CLIP2: variants seen among roughly 807,000 people sequenced by gnomAD.
CLIP2 encodes CAP-Gly domain-containing linker protein 2.
A neutral mutation model predicts 111.7 loss-of-function variants in CLIP2; 41 were observed. The ratio of observed to expected loss-of-function variants is 0.37; its 90% CI spans 0.29 to 0.48. The LOEUF (loss-of-function observed/expected upper bound fraction) is 0.48, where lower values mean the gene tolerates loss of function less well. Among genes scored for constraint, CLIP2 ranks in the 20% least tolerant of loss-of-function variants. The pLI, the probability that CLIP2 is intolerant of heterozygous loss-of-function variation, is 0.99. For missense variants in CLIP2, 1,160 were observed against 1,422.1 expected (o/e 0.82, Z 2.96); for synonymous variants, 660 against 644.2 (o/e 1.02, Z -0.37).
intron 12 of CLIP2, among the ~76,000 whole-genome samples, chr7:74,388,025 G>A (rs1791166945): frequency 6.6e-6 from 1 of 152,210 alleles, no homozygotes; most frequent in East Asian, 1.9e-4. Context: ...TCATTTCTAT[G>A]AAACATACAA....
Position 74,400,411 on chromosome 7 carries a change from C to T in CLIP2, c.2922C>T (p.Leu974=). ...TGTCGGATCAGAGGCGCTACTCCCT[C>T]ATCGACCGGTCCTCGGCGCCCGAGC... The part of the protein sequence containing the change: ...KSLSDQRRYS[L]IDRSSAPELL... The change falls in exon 15 of 17, where the codon CTC becomes CTT. Residue 974 remains leucine, a synonymous_variant. Coordinates refer to ENST00000223398, the MANE Select transcript of CLIP2 (RefSeq NM_003388.5). The T allele has an allele frequency of 6.2e-7, 1 of 1,613,678 alleles. No homozygotes were observed. Among genetic ancestry groups the T allele is most frequent in the Non-Finnish European group, 8.5e-7 (1 of 1,179,756 alleles).
At position 74,338,673 on chromosome 7, in the gene CLIP2, C is replaced by T. The variant is rs781965319; in HGVS notation, c.347C>T (p.Pro116Leu). Reference sequence around the variant, plus strand: ...TGGGCTGGCGTGGTGCTGGACGACCCGGTGGGCAAGAATGATGGCGCGGTG... The same window carrying T: ...TGGGCTGGCGTGGTGCTGGACGACCTGGTGGGCAAGAATGATGGCGCGGTG... ...GQWAGVVLDD[P>L]VGKNDGAVGG... Residue 116 changes from proline to leucine, a missense_variant, in exon 3 of 17, where the codon CCG becomes CTG. Transcript: ENST00000223398. The surrounding 1 kb of genome is among the most constrained non-coding windows in gnomAD (Gnocchi z 4.3). 4.7e-5 allele frequency: 75 copies of T among 1,579,122 alleles called. No individual in the cohort carries two copies. Among genetic ancestry groups the T allele is most frequent in the South Asian group, 1.1e-5 (1 of 87,598 alleles).
chr7:74,376,398 ACTTGCAGG>A lies in CLIP2; in HGVS notation c.1999_2006del (p.Leu667GlnfsTer3). 1.9e-6 allele frequency: 3 copies of A among 1,614,050 alleles called. No individual in the cohort carries two copies. The highest frequency in any genetic ancestry group is 2.5e-6 in the Non-Finnish European group (3 of 1,180,030). ...ATGGAGCACCAGCTGGAGCTGGGTA[ACTTGCAGG>A]CCAAGCATGACCTGGAGACCGCCAT... On this transcript the variant is annotated frameshift_variant, in exon 10 of 17. Coordinates refer to ENST00000223398, the MANE Select transcript of CLIP2 (RefSeq NM_003388.5). LOFTEE classifies it high-confidence loss of function. This position sits in a 1 kb window ranked among gnomAD's most constrained non-coding sequence, Gnocchi z 7.1.
At chr7:74,310,929 G>A (rs2116486261) in intron 1 of CLIP2, among the ~76,000 whole-genome samples, 1 of 151,730 alleles carries the variant, frequency 6.6e-6, no homozygotes, top group South Asian at 2.1e-4. Context: ...TGCCCAGGCT[G>A]GTCTCCAACT....
intron 2 of CLIP2, among the ~76,000 whole-genome samples, chr7:74,325,245 AGAGG>A (rs1789077663): frequency 6.6e-6 from 1 of 152,084 alleles, no homozygotes; most frequent in South Asian, 2.1e-4. Context: ...GGGACCTTTG[AGAGG>A]GTCTCTCACG....
At chr7:74,372,620 A>G (rs1584370907) in intron 8 of CLIP2, among the ~76,000 whole-genome samples, 1 of 151,944 alleles carries the variant, frequency 6.6e-6, no homozygotes, top group South Asian at 2.1e-4. Flanking sequence ...CGAGGTGCCC[A>G]TTGCTACCCC....
intron 3 of CLIP2, among the ~76,000 whole-genome samples, chr7:74,342,246 C>A (rs920987762): frequency 1.3e-5 from 2 of 151,972 alleles, no homozygotes; most frequent in Non-Finnish European, 2.9e-5. Flanking sequence ...TGTGGTGGCA[C>A]GTGCCTGTAG....
At chr7:74,400,330 C>T (rs782345756) in intron 14 of CLIP2, 40 bp from the exon 15 acceptor site, 4 of 1,525,574 alleles carry the variant, frequency 2.6e-6, no homozygotes, top group African/African-American at 1.4e-5. Context: ...AACACACACA[C>T]GCACACTCAT....
chr7:74,302,701 A>G (rs976161512), intron 1 of CLIP2, among the ~76,000 whole-genome samples: 4 of 152,096 alleles, frequency 2.6e-5, no homozygotes, highest in African/African-American at 7.2e-5. Flanking sequence ...CACTGTGTAA[A>G]CCTGGTCCAC....
chr7:74,297,916 G>A (rs1434583196), intron 1 of CLIP2, among the ~76,000 whole-genome samples: 1 of 151,062 alleles, frequency 6.6e-6, no homozygotes, highest in African/African-American at 2.4e-5. Context: ...GGGCTCAAGC[G>A]ATCCAGAGGA....
rs1554732693 is a variant in CLIP2, at chr7:74,338,716, C to G, written c.390C>G (p.Phe130Leu). Reference sequence around the variant, plus strand: ...GCGCGGTGGGCGGCGTGCGCTACTTCGAGTGCCCGGCCCTCCAGGGTATCT... The same window carrying G: ...GCGCGGTGGGCGGCGTGCGCTACTTGGAGTGCCCGGCCCTCCAGGGTATCT... ...NDGAVGGVRY[F>L]ECPALQGIFT... The change falls in exon 3 of 17, where the codon TTC becomes TTG. Residue 130 changes from phenylalanine (F) to leucine (L), a missense_variant. Transcript: ENST00000223398. The surrounding 1 kb of genome is among the most constrained non-coding windows in gnomAD (Gnocchi z 4.3). The G allele has an allele frequency of 2.5e-6, 4 of 1,590,016 alleles. No homozygotes were observed. The highest frequency in any genetic ancestry group is 1.8e-5 in the Admixed American group (1 of 57,114).
intron 7 of CLIP2, among the ~76,000 whole-genome samples, chr7:74,362,500 A>C (rs1217507992): frequency 6.6e-6 from 1 of 151,424 alleles, no homozygotes; most frequent in Non-Finnish European, 1.5e-5. Flanking sequence ...GACGCCAACA[A>C]ACACAGATCT....
At chr7:74,375,713 T>C (rs764989949) in intron 9 of CLIP2, among the ~76,000 whole-genome samples, 174 bp from the exon 10 acceptor site, 81 of 152,018 alleles carry the variant, frequency 5.3e-4, no homozygotes, top group Non-Finnish European at 9.9e-4. Context: ...GCCAGGCCTC[T>C]ACATCCAGCC....
At chr7:74,305,049 A>C (rs1193347258) in intron 1 of CLIP2, among the ~76,000 whole-genome samples, 1 of 136,138 alleles carries the variant, frequency 7.3e-6, no homozygotes, top group Non-Finnish European at 1.5e-5. Context: ...CCCTGCTCTT[A>C]CAATGGAGTT....
chr7:74,307,838 G>A (rs782392931), intron 1 of CLIP2, among the ~76,000 whole-genome samples: 16 of 152,132 alleles, frequency 1.1e-4, no homozygotes, highest in African/African-American at 3.6e-4. Context: ...GTTCAGGAGG[G>A]CTGGAGGTTA....
intron 1 of CLIP2, among the ~76,000 whole-genome samples, chr7:74,303,344 C>T (rs1416608598): frequency 1.3e-5 from 2 of 152,176 alleles, no homozygotes; most frequent in Non-Finnish European, 2.9e-5. Flanking sequence ...AGTGGTGTTA[C>T]ACCCAAGACC....
chr7:74,347,874 A>G (rs1789847984), intron 3 of CLIP2, among the ~76,000 whole-genome samples: 2 of 152,214 alleles, frequency 1.3e-5, no homozygotes, highest in African/African-American at 4.8e-5. Flanking sequence ...AAAATATTTC[A>G]GGAACTAGAA....
intron 2 of CLIP2, among the ~76,000 whole-genome samples, chr7:74,322,758 G>A (rs1402629753): frequency 2.0e-5 from 3 of 152,048 alleles, no homozygotes; most frequent in Non-Finnish European, 2.9e-5. Context: ...TTGAGATGGA[G>A]TCTCGCTCTG....
At position 74,376,702 on chromosome 7, in the gene CLIP2, G is replaced by A. The variant is rs782561845; in HGVS notation, c.2301G>A (p.Glu767=). The A allele has an allele frequency of 1.9e-6, 3 of 1,613,220 alleles. No individual in the cohort carries two copies. The highest frequency in any genetic ancestry group is 4.5e-5 in the East Asian group (2 of 44,866). The part of the protein sequence containing the change: ...SLAEKKMLDY[E]RLQRAEAQGK... ...CCGAGAAGAAGATGTTGGACTACGA[G>A]CGGCTGCAGCGGGCAGAAGCCCAGG... Residue 767 remains glutamate, a synonymous_variant, in exon 10 of 17, where the codon GAG becomes GAA. Coordinates refer to ENST00000223398, the MANE Select transcript of CLIP2 (RefSeq NM_003388.5). The surrounding 1 kb of genome is among the most constrained non-coding windows in gnomAD (Gnocchi z 7.1).
Sources: allele counts gnomAD v4.1 joint callset (sites outside exome capture counted in the v4.1 genomes callset), GRCh38; gene constraint gnomAD v4.1.1; non-coding constraint Gnocchi (gnomAD v3.1); transcripts MANE v1.5; gene names NCBI Gene and HGNC (gene_info 2026-07-23, HGNC 2026-07-21).